CDH26: variants seen among roughly 807,000 people sequenced by gnomAD.
The protein encoded by CDH26 is cadherin 26, also known as cadherin-like protein 26.
Under a neutral mutation model 90.3 loss-of-function variants are expected in CDH26, and 83 were observed. The ratio of observed to expected loss-of-function variants is 0.92; its 90% CI spans 0.77 to 1.10. The LOEUF (loss-of-function observed/expected upper bound fraction) is 1.10, where lower values mean the gene tolerates loss of function less well. CDH26 is among the 50% of genes least tolerant of loss of function. The pLI is 0.00. For missense variants in CDH26, 1,013 were observed against 1,037.6 expected (o/e 0.98, Z 0.33); for synonymous variants, 397 against 396.3 (o/e 1.00, Z -0.02).
At chr20:59,987,321 G>T (rs967405233) in intron 7 of CDH26, 132 bp from the exon 8 acceptor site, 43 of 729,326 alleles carry the variant, frequency 5.9e-5, no homozygotes, top group African/African-American at 1.4e-4. Flanking sequence ...CCAGGGTGTT[G>T]TGATGAGGAG....
Position 59,994,113 on chromosome 20 carries a change from G to A in CDH26, c.1427-137G>A, listed in dbSNP as rs2061561085. The A allele has an allele frequency of 2.7e-6, 3 of 1,131,766 alleles. No homozygotes were observed. The South Asian group carries it at 4.6e-5, about 17-fold the overall frequency. The allele number at this position is 1,131,766 out of a possible 1,614,324, so 70.1% of individuals were successfully genotyped here. A position where few individuals can be genotyped will look rare whatever the true frequency, so the allele number is the denominator to read the frequency against. ...AGGAAAACAGATCACGTGCATGCCAGGAGAGCTTATGACGTTGAAAGGGAA... is the reference window on the plus strand; with the variant it reads ...AGGAAAACAGATCACGTGCATGCCAAGAGAGCTTATGACGTTGAAAGGGAA... On this transcript the variant is annotated intron_variant, in intron 10 of 17. Transcript: ENST00000348616.
At chr20:60,016,080 C>T (rs949663867), downstream of CDH26, among the ~76,000 whole-genome samples, 5 of 152,092 alleles carry the variant, frequency 3.3e-5, no homozygotes, top group African/African-American at 1.2e-4. Context: ...GTCTTTTGTG[C>T]TCAGAATTGT....
At chr20:59,962,398 C>T (rs1416226109) in intron 1 of CDH26, among the ~76,000 whole-genome samples, 1 of 152,188 alleles carries the variant, frequency 6.6e-6, no homozygotes, top group Non-Finnish European at 1.5e-5. Flanking sequence ...CCTCCCTGGC[C>T]TCTCCCCAGC....
chr20:60,000,722 TG>T (rs2061665569), intron 14 of CDH26, among the ~76,000 whole-genome samples: 1 of 152,220 alleles, frequency 6.6e-6, no homozygotes, highest in Non-Finnish European at 1.5e-5. Context: ...GGTGTATCTC[TG>T]GGTTCCCTTC....
At chr20:59,987,125 G>A (rs2061468884) in intron 7 of CDH26, among the ~76,000 whole-genome samples, 1 of 152,152 alleles carries the variant, frequency 6.6e-6, no homozygotes, top group South Asian at 2.1e-4. Context: ...GCATAAACTA[G>A]GATTGTGTAT....
At chr20:60,026,592 G>A (rs915774125) in intron 7 of CDH26, among the ~76,000 whole-genome samples, 3 of 152,194 alleles carry the variant, frequency 2.0e-5, no homozygotes, top group Non-Finnish European at 4.4e-5. Context: ...GTGATTGCCA[G>A]CAAGGACACA....
chr20:59,978,905 C>T (rs2061357676), intron 4 of CDH26, among the ~76,000 whole-genome samples: 1 of 152,092 alleles, frequency 6.6e-6, no homozygotes, highest in Non-Finnish European at 1.5e-5. Context: ...GCCTTTATTC[C>T]TTCCAAATTT....
At chr20:60,005,530 T>C (rs897232613) in intron 16 of CDH26, among the ~76,000 whole-genome samples, 5 of 151,276 alleles carry the variant, frequency 3.3e-5, no homozygotes, top group African/African-American at 1.2e-4. Context: ...ATATATAGCC[T>C]CATGGACATA....
chr20:60,002,293 A>G (rs1212521463), intron 15 of CDH26, among the ~76,000 whole-genome samples: 1 of 150,920 alleles, frequency 6.6e-6, no homozygotes, highest in East Asian at 2.0e-4. Context: ...GCATTGATGA[A>G]TGTTGGGTTC....
At chr20:59,973,212 G>A (rs552973303) in intron 4 of CDH26, among the ~76,000 whole-genome samples, 2 of 152,312 alleles carry the variant, frequency 1.3e-5, no homozygotes, top group African/African-American at 2.4e-5. Context: ...AAGCCTGAAA[G>A]CCTGCATGTC....
At position 59,992,301 on chromosome 20, in the gene CDH26, G is replaced by GT. The variant is rs1426321652; in HGVS notation, c.1284-70dup. On this transcript the variant is annotated intron_variant, in intron 9 of 17. Coordinates refer to ENST00000348616, the MANE Select transcript of CDH26 (RefSeq NM_177980.4). The surrounding 1 kb of genome is among the most constrained non-coding windows in gnomAD (Gnocchi z 5.0). The stretch of plus-strand genomic sequence containing the variant: ...AAATAGTGTTTCTATGACATATTTT[G>GT]TTTTTTTATGCAACTTTTTTATCTT... 4.6e-5 allele frequency: 64 copies of GT among 1,387,018 alleles called. No homozygotes were observed. Among genetic ancestry groups the GT allele is most frequent in the East Asian group, 2.7e-4 (11 of 40,516 alleles). 85.9% of individuals were successfully genotyped at this position (1,387,018 alleles called of 1,614,324 possible).
intron 15 of CDH26, 197 bp downstream of exon 15, chr20:60,001,608 G>A: frequency 1.0e-6 from 1 of 985,364 alleles, no homozygotes; most frequent in South Asian, 4.7e-5. Flanking sequence ...TATTGGTGAT[G>A]GCTGCTGTTT....
chr20:59,990,915 G>A (rs936729040), intron 9 of CDH26, among the ~76,000 whole-genome samples: 4 of 148,858 alleles, frequency 2.7e-5, no homozygotes, highest in Admixed American at 2.0e-4. Flanking sequence ...TTTCACCCAC[G>A]CTGGAGTGCA....
Position 60,013,039 on chromosome 20 carries a change from A to G in CDH26, c.*309A>G, listed in dbSNP as rs925948175. On this transcript the variant is annotated 3_prime_UTR_variant, in exon 18 of 18. Coordinates refer to ENST00000348616, the MANE Select transcript of CDH26 (RefSeq NM_177980.4). The stretch of plus-strand genomic sequence containing the variant: ...AGCTTTGAGGGTAAATGAAAATATA[A>G]CCCATAGATTACCCAGCCACTTGGG... The G allele has an allele frequency of 1.8e-5, 4 of 224,608 alleles. No homozygotes were observed. The highest frequency in any genetic ancestry group is 2.6e-5 in the Non-Finnish European group (3 of 114,618). 13.9% of individuals were successfully genotyped at this position (224,608 alleles called of 1,614,324 possible). A position where few individuals can be genotyped will look rare whatever the true frequency, so the allele number is the denominator to read the frequency against.
At chr20:60,031,307 T>C (rs1332171158) in exon 8 of CDH26, 1 of 1,291,652 alleles carries the variant, frequency 7.7e-7, no homozygotes, top group Non-Finnish European at 1.0e-6. Context: ...GGGCGAGGAT[T>C]GCCACAAGAC....
At chr20:60,001,461 A>C in intron 15 of CDH26, 50 bp downstream of exon 15, 2 of 1,603,318 alleles carry the variant, frequency 1.2e-6, no homozygotes, top group Non-Finnish European at 1.7e-6. Context: ...CTAGTGACTA[A>C]CAGTTGGTCC....
chr20:60,014,020 T>G lies in CDH26; in HGVS notation c.*1290T>G, dbSNP rs1241946792. 6.6e-6 allele frequency: 1 copy of G among 152,032 alleles called. No individual in the cohort carries two copies. Among genetic ancestry groups the G allele is most frequent in the Non-Finnish European group, 1.5e-5 (1 of 67,990 alleles). 9.4% of individuals were successfully genotyped at this position (152,032 alleles called of 1,614,324 possible). A position where few individuals can be genotyped will look rare whatever the true frequency, so the allele number is the denominator to read the frequency against. On this transcript the variant is annotated 3_prime_UTR_variant, in exon 18 of 18. Coordinates refer to ENST00000348616, the MANE Select transcript of CDH26 (RefSeq NM_177980.4). The stretch of plus-strand genomic sequence containing the variant: ...GTAATTCAGGATAAAAGTATTTTTT[T>G]TTTTAAGAAAAATACATGTTTTTGG...
chr20:59,970,897 A>G (rs961885884), intron 3 of CDH26, among the ~76,000 whole-genome samples: 8 of 152,138 alleles, frequency 5.3e-5, no homozygotes, highest in Non-Finnish European at 8.8e-5. Context: ...AAGACTTTTA[A>G]AAATGGAAAG....
intron 1 of CDH26, among the ~76,000 whole-genome samples, chr20:59,967,812 CATTTCTTTCTTTCTTT>C (rs1569023886): frequency 1.2e-5 from 1 of 86,856 alleles, no homozygotes; most frequent in Non-Finnish European, 2.5e-5. Flanking sequence ...CTCCCTCCCT[CATTTCTTTCTTTCTTT>C]CTTTCTTTCT....
Sources: allele counts gnomAD v4.1 joint callset (sites outside exome capture counted in the v4.1 genomes callset), GRCh38; gene constraint gnomAD v4.1.1; non-coding constraint Gnocchi (gnomAD v3.1); transcripts MANE v1.5; gene names NCBI Gene and HGNC (gene_info 2026-07-23, HGNC 2026-07-21).